FAM168B: variants seen among roughly 807,000 people sequenced by gnomAD.
The protein encoded by FAM168B is myelin-associated neurite-outgrowth inhibitor.
FAM168B carries 19 observed loss-of-function variants against 21.8 expected under a neutral mutation model. The observed-to-expected ratio is 0.87, with a 90% CI of 0.61 to 1.28. FAM168B has a LOEUF of 1.28. FAM168B is among the 50% of genes most tolerant of loss of function. FAM168B has a pLI of 0.00. For missense variants in FAM168B, 233 were observed against 263.1 expected, an observed-to-expected ratio of 0.89 and a Z score of 0.79; for synonymous variants, 126 against 104.8, an observed-to-expected ratio of 1.20 and a Z score of -1.24.
At chr2:131,053,801 T>G (rs1691844055) in intron 5 of FAM168B, among the ~76,000 whole-genome samples, 2 of 152,118 alleles carry the variant, frequency 1.3e-5, no homozygotes, top group Non-Finnish European at 2.9e-5. Context: ...CTTGAGCCCA[T>G]GAGTTCCAGA....
At position 131,075,203 on chromosome 2, in the gene FAM168B, A is replaced by G. The variant is rs556161030; in HGVS notation, c.71-3265T>C. Among the ~76,000 whole-genome samples, 252 of 151,806 alleles carry G rather than the reference A, an allele frequency of 1.7e-3. 1 individual carries two copies. The highest frequency in any genetic ancestry group is 2.4e-3 in the Non-Finnish European group (162 of 67,990). On this transcript the variant is annotated intron_variant, in intron 2 of 6. Transcript: ENST00000389915. ...GCCCAATTGTGAGCACAGGAAGACC[A>G]AGAAAGGTCTGGAACTGCCCTCAGA...
chr2:131,075,047 T>C (rs539129094), intron 2 of FAM168B, among the ~76,000 whole-genome samples: 7 of 152,240 alleles, frequency 4.6e-5, no homozygotes, highest in Middle Eastern at 3.4e-3. Context: ...ACCCTCCCGT[T>C]TGCCCTCTCT....
chr2:131,065,916 TTTAA>T (rs762828089), intron 3 of FAM168B, among the ~76,000 whole-genome samples: 2 of 152,004 alleles, frequency 1.3e-5, no homozygotes, highest in Admixed American at 6.5e-5. Context: ...TGATAAACAG[TTTAA>T]TTAAACCATC....
Position 131,050,332 on chromosome 2 carries a change from A to G in FAM168B, c.*2133T>C. 1 of 985,494 alleles carries G rather than the reference A, an allele frequency of 1.0e-6. No homozygotes were observed. Among genetic ancestry groups the G allele is most frequent in the Non-Finnish European group, 1.2e-6 (1 of 829,930 alleles). 61.0% of individuals were successfully genotyped at this position (985,494 alleles called of 1,614,324 possible). ...CATTGTGAGTATTTTATCCTAATCT[A>G]TTAGCACTCAATTGGGAAAAAAGAC... On this transcript the variant is annotated 3_prime_UTR_variant, in exon 7 of 7. Coordinates refer to ENST00000389915, the MANE Select transcript of FAM168B (RefSeq NM_001009993.4).
At chr2:131,073,495 C>A (rs1046339162) in intron 2 of FAM168B, among the ~76,000 whole-genome samples, 1 of 152,172 alleles carries the variant, frequency 6.6e-6, no homozygotes, top group African/African-American at 2.4e-5. Context: ...TTTAACAGCA[C>A]TGAGAGGTGG....
intron 3 of FAM168B, among the ~76,000 whole-genome samples, chr2:131,065,703 C>T (rs551388306): frequency 3.8e-4 from 57 of 150,920 alleles, no homozygotes; most frequent in Admixed American, 3.5e-3. Context: ...GCAGGAGAAT[C>T]GCTTGAACCC....
In FAM168B at chr2:131,056,757, G is replaced by A. The variant is rs151259677; in HGVS notation, c.155-1062C>T. On this transcript the variant is annotated intron_variant, in intron 3 of 6. Coordinates refer to ENST00000389915, the MANE Select transcript of FAM168B (RefSeq NM_001009993.4). ...ACTGAGCAAGCCAAAGGGACAAACTGCTGATCCATACAAGCACATGAATGA... is the reference window on the plus strand; with the variant it reads ...ACTGAGCAAGCCAAAGGGACAAACTACTGATCCATACAAGCACATGAATGA... 2.8e-4 allele frequency among the ~76,000 whole-genome samples: 43 copies of A among 152,246 alleles called. 1 individual carries two copies. In the Middle Eastern group the frequency reaches 0.01, roughly 36 times the overall value.
At position 131,052,031 on chromosome 2, in the gene FAM168B, A is replaced by C; in HGVS notation, c.*434T>G. On this transcript the variant is annotated 3_prime_UTR_variant, in exon 7 of 7. Transcript: ENST00000389915. Reference sequence around the variant, plus strand: ...ATTCACTTTAACACTTATAACTGTAAGACTTTGCATACATTACAACAGTGC... The same window carrying C: ...ATTCACTTTAACACTTATAACTGTACGACTTTGCATACATTACAACAGTGC... The C allele has an allele frequency of 1.0e-6, 1 of 985,738 alleles. No homozygotes were observed. The highest frequency in any genetic ancestry group is 1.7e-5 in the African/African-American group (1 of 57,380). 61.1% of individuals were successfully genotyped at this position (985,738 alleles called of 1,614,324 possible).
At chr2:131,082,534 G>C (rs1693473515) in intron 2 of FAM168B, 43 bp downstream of exon 2, 1 of 1,306,646 alleles carries the variant, frequency 7.7e-7, no homozygotes, top group Non-Finnish European at 1.1e-6. Context: ...AATATACCAA[G>C]TATTCAAAGT....
chr2:131,049,249 G>T lies in FAM168B; in HGVS notation c.*3216C>A, dbSNP rs1347320926. 1.0e-6 allele frequency: 1 copy of T among 985,302 alleles called. No homozygotes were observed. Among genetic ancestry groups the T allele is most frequent in the African/African-American group, 1.7e-5 (1 of 57,212 alleles). The allele number at this position is 985,302 out of a possible 1,614,324, so 61.0% of individuals were successfully genotyped here. ...CACAGCCAGATGATGCCACCAGAAA[G>T]AGCAAGGTACTGTATGCCCAGCTGG... is the stretch of plus-strand genomic sequence containing the variant. On this transcript the variant is annotated 3_prime_UTR_variant, in exon 7 of 7. Coordinates refer to ENST00000389915, the MANE Select transcript of FAM168B (RefSeq NM_001009993.4).
At chr2:131,091,858 G>A (rs1344734117) in intron 1 of FAM168B, among the ~76,000 whole-genome samples, 7 of 151,596 alleles carry the variant, frequency 4.6e-5, no homozygotes, top group Non-Finnish European at 2.9e-5. Context: ...GGCCAGGCGC[G>A]GTGGCTCACG....
intron 3 of FAM168B, among the ~76,000 whole-genome samples, chr2:131,067,703 A>T (rs186972972): frequency 1.3e-5 from 2 of 152,268 alleles, no homozygotes; most frequent in Admixed American, 1.3e-4. Flanking sequence ...CCTAGGCAAC[A>T]AAGTGAGATC....
intron 2 of FAM168B, among the ~76,000 whole-genome samples, chr2:131,078,418 G>C (rs1022316381): frequency 1.8e-4 from 27 of 152,140 alleles, no homozygotes; most frequent in African/African-American, 6.5e-4. Context: ...CTATAAAACA[G>C]GGTGCAAGAG....
chr2:131,092,323 C>T (rs1694075807), intron 1 of FAM168B, among the ~76,000 whole-genome samples: 1 of 152,202 alleles, frequency 6.6e-6, no homozygotes, highest in Non-Finnish European at 1.5e-5. Context: ...TAGCCTTACA[C>T]TGCTCAAATC....
rs1350213498 is a variant in FAM168B, at chr2:131,048,669, C to T, written c.*3796G>A. 3.0e-6 allele frequency: 3 copies of T among 993,734 alleles called. No individual in the cohort carries two copies. The highest frequency in any genetic ancestry group is 3.6e-6 in the Non-Finnish European group (3 of 834,982). 61.6% of individuals were successfully genotyped at this position (993,734 alleles called of 1,614,324 possible). ...TAAAGCATGTCCTCTGCAGTATACT[C>T]AAGAGTCTGCTGCCCTTCAGAAAGC... On this transcript the variant is annotated 3_prime_UTR_variant, in exon 7 of 7. Coordinates refer to ENST00000389915, the MANE Select transcript of FAM168B (RefSeq NM_001009993.4).
chr2:131,068,759 T>C (rs1692701496), intron 3 of FAM168B, among the ~76,000 whole-genome samples: 3 of 152,196 alleles, frequency 2.0e-5, no homozygotes. Context: ...CTCACGGCTA[T>C]AATCCCAGCA....
At chr2:131,057,596 G>C (rs1692090462) in intron 3 of FAM168B, among the ~76,000 whole-genome samples, 1 of 152,214 alleles carries the variant, frequency 6.6e-6, no homozygotes, top group South Asian at 2.1e-4. Flanking sequence ...CTTAATATGT[G>C]GGTGTTTTGT....
At chr2:131,072,064 A>G (rs1202306776) in intron 2 of FAM168B, 126 bp from the exon 3 acceptor site, 5 of 751,262 alleles carry the variant, frequency 6.7e-6, no homozygotes, top group Admixed American at 4.6e-5. Flanking sequence ...CCCCAAGAGC[A>G]CTATGTGTGG....
rs866543266 is a variant in FAM168B, at chr2:131,062,228, G to C, written c.155-6533C>G. The stretch of plus-strand genomic sequence containing the variant: ...TAAAACCAAAGTGAGGAAAATCTGA[G>C]AACACCTCTCTCCAAAGAGGGAGTC... On this transcript the variant is annotated intron_variant, in intron 3 of 6. Coordinates refer to ENST00000389915, the MANE Select transcript of FAM168B (RefSeq NM_001009993.4). Among the ~76,000 whole-genome samples, 4 of 152,226 alleles carry C rather than the reference G, an allele frequency of 2.6e-5. No homozygotes were observed. The South Asian group carries it at 8.3e-4, about 32-fold the overall frequency.
Sources: allele counts gnomAD v4.1 joint callset (sites outside exome capture counted in the v4.1 genomes callset), GRCh38; gene constraint gnomAD v4.1.1; transcripts MANE v1.5; gene names NCBI Gene and HGNC (gene_info 2026-07-23, HGNC 2026-07-21).